Variants in NPAS3 observed in about 807,000 individuals in gnomAD.
The protein encoded by NPAS3 is neuronal PAS domain protein 3.
Under a neutral mutation model 73.1 loss-of-function variants are expected in NPAS3, and 14 were observed. The ratio of observed to expected loss-of-function variants is 0.19; its 90% confidence interval spans 0.13 to 0.30. The LOEUF is 0.30. NPAS3 is among the 10% of genes least tolerant of loss of function. NPAS3 has a pLI of 1.00. For missense variants in NPAS3, 1,096 were observed against 1,250.0 expected, an observed-to-expected ratio of 0.88 and a Z score of 1.86; for synonymous variants, 620 against 541.5, an observed-to-expected ratio of 1.14 and a Z score of -2.01.
At chr14:33,607,793 T>C (rs2057623146) in intron 5 of NPAS3, among the ~76,000 whole-genome samples, 1 of 152,186 alleles carries the variant, frequency 6.6e-6, no homozygotes, top group African/African-American at 2.4e-5. Flanking sequence ...CAGTTCAGCA[T>C]GGCTGGGGAG....
chr14:33,703,721 G>A (rs2060583939), intron 6 of NPAS3, among the ~76,000 whole-genome samples: 1 of 152,080 alleles, frequency 6.6e-6, no homozygotes, highest in Non-Finnish European at 1.5e-5. Context: ...AACTTCCTAT[G>A]TGCCAGGCCA....
intron 2 of NPAS3, among the ~76,000 whole-genome samples, chr14:33,145,915 A>G (rs562291881): frequency 3.3e-5 from 5 of 152,256 alleles, no homozygotes; most frequent in Non-Finnish European, 5.9e-5. Context: ...ATATATACTA[A>G]ATATATGAAA....
At chr14:33,396,113 A>G (rs999875570) in intron 4 of NPAS3, among the ~76,000 whole-genome samples, 1 of 152,138 alleles carries the variant, frequency 6.6e-6, no homozygotes, top group African/African-American at 2.4e-5. Flanking sequence ...GATAGTGAAG[A>G]CTTTGTGAAC....
intron 4 of NPAS3, among the ~76,000 whole-genome samples, chr14:33,402,579 C>T (rs1273023238): frequency 1.3e-5 from 2 of 152,122 alleles, no homozygotes; most frequent in African/African-American, 4.8e-5. Flanking sequence ...TCTGTGGTGC[C>T]TCCACCAGAC....
At chr14:33,427,040 G>T (rs796781393) in intron 4 of NPAS3, among the ~76,000 whole-genome samples, 2 of 152,014 alleles carry the variant, frequency 1.3e-5, no homozygotes, top group African/African-American at 4.8e-5. Flanking sequence ...CACAATCTTG[G>T]TAAGCCATAT....
At chr14:33,250,755 GTGTTTGAAGTATAGGAA>G (rs1299676312) in intron 3 of NPAS3, among the ~76,000 whole-genome samples, 4 of 151,780 alleles carry the variant, frequency 2.6e-5, no homozygotes, top group South Asian at 2.1e-4. Flanking sequence ...TCAGCCTTTG[GTGTTTGAAGTATAGGAA>G]TGTTTGAAGT....
chr14:33,023,100 A>AG (rs980704697), intron 1 of NPAS3, among the ~76,000 whole-genome samples: 4 of 152,180 alleles, frequency 2.6e-5, no homozygotes, highest in Non-Finnish European at 5.9e-5. Context: ...TTTAAAAAAA[A>AG]AAGAAAAGAG....
chr14:33,647,893 C>G (rs12437213), intron 5 of NPAS3, among the ~76,000 whole-genome samples: 21,577 of 152,032 alleles, frequency 0.14, 2,375 homozygotes, highest in East Asian at 0.35. Flanking sequence ...ACTCAAATGG[C>G]AGGCCCATTG....
At chr14:32,939,333 C>A (rs756340635) in exon 1 of NPAS3, 1 of 735,080 alleles carries the variant, frequency 1.4e-6, no homozygotes, top group Non-Finnish European at 2.4e-6. Context: ...CCCACCAAGC[C>A]CAGCTTTCAG....
intron 3 of NPAS3, among the ~76,000 whole-genome samples, chr14:33,249,334 T>C (rs937795061): frequency 3.3e-5 from 4 of 119,606 alleles, no homozygotes; most frequent in Non-Finnish European, 6.7e-5. Context: ...TCCATTTTAA[T>C]TCCCGTCCCC....
At chr14:33,523,451 C>CAA (rs755370427) in intron 4 of NPAS3, among the ~76,000 whole-genome samples, 3,654 of 46,084 alleles carry the variant, frequency 0.079, 139 homozygotes, top group Non-Finnish European at 0.12. Context: ...GACTCTGTCT[C>CAA]AAAAAAAAAA....
At chr14:33,414,643 G>A (rs2048072732) in intron 4 of NPAS3, among the ~76,000 whole-genome samples, 1 of 152,024 alleles carries the variant, frequency 6.6e-6, no homozygotes, top group Non-Finnish European at 1.5e-5. Flanking sequence ...AATTTTTGGG[G>A]AGAATTTAAT....
chr14:33,586,918 G>T (rs922321216), intron 5 of NPAS3, among the ~76,000 whole-genome samples: 4 of 152,096 alleles, frequency 2.6e-5, no homozygotes, highest in Non-Finnish European at 5.9e-5. Context: ...TATAGAGTTT[G>T]GGGGAGCACT....
intron 3 of NPAS3, among the ~76,000 whole-genome samples, chr14:33,245,671 TAAG>T (rs1175132855): frequency 1.3e-5 from 2 of 152,152 alleles, no homozygotes; most frequent in East Asian, 1.9e-4. Flanking sequence ...AGTACAATAG[TAAG>T]AAGAAGTTCC....
chr14:33,411,056 C>A (rs990491279), intron 4 of NPAS3, among the ~76,000 whole-genome samples: 4 of 152,336 alleles, frequency 2.6e-5, no homozygotes, highest in Non-Finnish European at 5.9e-5. Context: ...CTCTGGGTTA[C>A]AATGCCCTGT....
chr14:33,233,934 C>A (rs2047940906), intron 3 of NPAS3, among the ~76,000 whole-genome samples: 1 of 152,108 alleles, frequency 6.6e-6, no homozygotes, highest in Non-Finnish European at 1.5e-5. Flanking sequence ...CTAATGAAGA[C>A]TTTTTCTTTG....
intron 6 of NPAS3, among the ~76,000 whole-genome samples, chr14:33,719,193 C>T (rs1048981073): frequency 6.6e-6 from 1 of 152,148 alleles, no homozygotes; most frequent in African/African-American, 2.4e-5. Flanking sequence ...TGTCCAACTC[C>T]CATGGACACT....
chr14:33,110,525 C>A (rs1339574513), intron 2 of NPAS3, among the ~76,000 whole-genome samples: 1 of 152,112 alleles, frequency 6.6e-6, no homozygotes, highest in Non-Finnish European at 1.5e-5. Context: ...AACACAAAAA[C>A]CTTTTCAATT....
At chr14:33,499,529 T>C (rs2052408458) in intron 4 of NPAS3, among the ~76,000 whole-genome samples, 1 of 151,778 alleles carries the variant, frequency 6.6e-6, no homozygotes, top group Admixed American at 6.6e-5. Context: ...GACAGCAAAA[T>C]ATTCTGAGAT....
Sources: gnomAD v4.1 joint callset for allele counts (sites outside exome capture counted in the v4.1 genomes callset) on GRCh38, gnomAD v4.1.1 for gene constraint, MANE v1.5 for transcripts, NCBI Gene and HGNC (gene_info 2026-07-23, HGNC 2026-07-21) for gene names.